TMCC1: variants seen among roughly 807,000 people sequenced by gnomAD.
TMCC1 encodes the protein transmembrane and coiled-coil domains protein 1.
In TMCC1, 15 loss-of-function variants were observed where a neutral mutation model predicts 52.4. That is an observed-to-expected ratio of 0.29 (90% CI 0.19 to 0.44). The LOEUF is 0.44. Among genes scored for constraint, TMCC1 ranks in the 20% least tolerant of loss-of-function variants. TMCC1 has a pLI of 1.00. For missense variants in TMCC1, 503 were observed against 806.0 expected (o/e 0.62, Z 4.55); for synonymous variants, 279 against 301.9 (o/e 0.92, Z 0.79).
At chr3:129,687,131 G>A (rs1208401175) in intron 4 of TMCC1, among the ~76,000 whole-genome samples, 1 of 152,100 alleles carries the variant, frequency 6.6e-6, no homozygotes, top group Non-Finnish European at 1.5e-5. Context: ...ATGGAGAGTT[G>A]TATTTACAAG....
intron 4 of TMCC1, among the ~76,000 whole-genome samples, chr3:129,753,588 A>T (rs1395000069): frequency 6.6e-6 from 1 of 152,210 alleles, no homozygotes; most frequent in Non-Finnish European, 1.5e-5. Context: ...GTCTAAATAA[A>T]TTTTTTAAAA....
chr3:129,745,622 G>A (rs537321086), intron 4 of TMCC1, among the ~76,000 whole-genome samples: 1 of 152,162 alleles, frequency 6.6e-6, no homozygotes, highest in African/African-American at 2.4e-5. Context: ...GAGAGAGAGA[G>A]AGAAGCCTTT....
chr3:129,834,617 AG>A (rs1313938973), intron 2 of TMCC1, among the ~76,000 whole-genome samples: 1 of 152,178 alleles, frequency 6.6e-6, no homozygotes, highest in Non-Finnish European at 1.5e-5. Context: ...GCATGAGAGG[AG>A]GGAAAGATGA....
chr3:129,879,612 A>C (rs560194932), intron 2 of TMCC1, among the ~76,000 whole-genome samples: 3 of 152,222 alleles, frequency 2.0e-5, no homozygotes, highest in Non-Finnish European at 2.9e-5. Flanking sequence ...AGTAATGATA[A>C]GCCCATTTTA....
rs756961109 is a variant in TMCC1, at chr3:129,648,488, A to G, written c.*2993T>C. 6.6e-6 allele frequency: 1 copy of G among 152,248 alleles called. No homozygotes were observed. Among genetic ancestry groups the G allele is most frequent in the Non-Finnish European group, 1.5e-5 (1 of 68,048 alleles). 9.4% of individuals were successfully genotyped at this position (152,248 alleles called of 1,614,324 possible). On this transcript the variant is annotated 3_prime_UTR_variant, in exon 7 of 7. Coordinates refer to ENST00000393238, the MANE Select transcript of TMCC1 (RefSeq NM_001017395.5). ...AGTAGAGTGGAAAGCCTTCCTTACT[A>G]GGACATACTGAGTATACCAAGGAAT...
Position 129,650,719 on chromosome 3 carries a change from A to T in TMCC1, c.*762T>A, listed in dbSNP as rs2086274607. ...TACATTCTTCAAGTATGCTGTTCGG[A>T]TTTTTTATTTTTAGGTTGGTAACTA... On this transcript the variant is annotated 3_prime_UTR_variant, in exon 7 of 7. Transcript: ENST00000393238. 6.5e-6 allele frequency: 1 copy of T among 152,716 alleles called. No individual in the cohort carries two copies. The highest frequency in any genetic ancestry group is 2.1e-4 in the South Asian group (1 of 4,828). The allele number at this position is 152,716 out of a possible 1,614,324, so 9.5% of individuals were successfully genotyped here.
intron 4 of TMCC1, among the ~76,000 whole-genome samples, chr3:129,680,087 T>C (rs934869996): frequency 6.6e-6 from 1 of 152,216 alleles, no homozygotes; most frequent in African/African-American, 2.4e-5. Flanking sequence ...AAGCTTAGAG[T>C]TCATTTATAC....
chr3:129,864,682 G>A (rs889346000), intron 2 of TMCC1, among the ~76,000 whole-genome samples: 3 of 152,152 alleles, frequency 2.0e-5, no homozygotes, highest in Non-Finnish European at 2.9e-5. Context: ...AATCAAGGCT[G>A]CAAAGAGCTG....
chr3:129,659,930 AAGG>A (rs1268047698), intron 5 of TMCC1, among the ~76,000 whole-genome samples: 1 of 152,358 alleles, frequency 6.6e-6, no homozygotes, highest in East Asian at 1.9e-4. Context: ...GCAAAGATTA[AAGG>A]AGAAGACAGA....
At chr3:129,780,438 T>C (rs572979007) in intron 4 of TMCC1, among the ~76,000 whole-genome samples, 6 of 152,188 alleles carry the variant, frequency 3.9e-5, no homozygotes, top group African/African-American at 1.2e-4. Context: ...TCCACCCCTC[T>C]ATTTTTCCAC....
chr3:129,739,412 C>T (rs2051261478), intron 4 of TMCC1, among the ~76,000 whole-genome samples: 1 of 152,156 alleles, frequency 6.6e-6, no homozygotes, highest in Admixed American at 6.5e-5. Context: ...AGTGATCCAC[C>T]CGCCTCGGCC....
At chr3:129,786,968 A>G (rs564364767) in intron 4 of TMCC1, among the ~76,000 whole-genome samples, 151 of 152,336 alleles carry the variant, frequency 9.9e-4, no homozygotes, top group African/African-American at 3.4e-3. Context: ...GTCTAAGCCC[A>G]TTCATTAAAG....
At chr3:129,793,794 G>T (rs932810087) in intron 4 of TMCC1, among the ~76,000 whole-genome samples, 1 of 152,160 alleles carries the variant, frequency 6.6e-6, no homozygotes, top group African/African-American at 2.4e-5. Context: ...ACTGCTTTGT[G>T]AGCCTCTCTG....
chr3:129,867,226 G>A (rs2060694140), intron 2 of TMCC1: 1 of 152,132 alleles, frequency 6.6e-6, no homozygotes, highest in African/African-American at 2.4e-5. Flanking sequence ...GTCAGCAAAT[G>A]GGTAGGGCGG....
intron 4 of TMCC1, among the ~76,000 whole-genome samples, chr3:129,823,431 T>C (rs2058513506): frequency 6.6e-6 from 1 of 152,182 alleles, no homozygotes; most frequent in African/African-American, 2.4e-5. Context: ...TATTAACGCA[T>C]AATGTATATT....
At chr3:129,733,056 C>A (rs1281811534) in intron 4 of TMCC1, among the ~76,000 whole-genome samples, 2 of 152,172 alleles carry the variant, frequency 1.3e-5, no homozygotes, top group African/African-American at 4.8e-5. Flanking sequence ...TCAAAATCTG[C>A]TCCTTCTTAG....
intron 4 of TMCC1, among the ~76,000 whole-genome samples, chr3:129,797,039 A>G (rs1034818695): frequency 1.3e-5 from 2 of 152,110 alleles, no homozygotes; most frequent in Non-Finnish European, 2.9e-5. Flanking sequence ...AAAATAACAC[A>G]CATAGGCCAG....
chr3:129,853,753 T>C (rs542448488), intron 2 of TMCC1, among the ~76,000 whole-genome samples: 152 of 152,240 alleles, frequency 1.0e-3, no homozygotes, highest in African/African-American at 3.4e-3. Flanking sequence ...TACCTGAAGA[T>C]TGATACATCT....
chr3:129,868,719 C>T (rs1411027698), intron 2 of TMCC1, among the ~76,000 whole-genome samples: 5 of 152,162 alleles, frequency 3.3e-5, no homozygotes, highest in Non-Finnish European at 5.9e-5. Context: ...GGATTACAGG[C>T]GTGAGCCACT....
Sources: allele counts gnomAD v4.1 joint callset (sites outside exome capture counted in the v4.1 genomes callset), GRCh38; gene constraint gnomAD v4.1.1; transcripts MANE v1.5; gene names NCBI Gene and HGNC (gene_info 2026-07-23, HGNC 2026-07-21).